The following LYPD1 variants were observed in gnomAD, a reference collection of about 807,000 sequenced individuals.
LYPD1 encodes the protein LY6/PLAUR domain containing 1.
In LYPD1, 14 loss-of-function variants were observed where a neutral mutation model predicts 14.2. The ratio of observed to expected loss-of-function variants is 0.99; its 90% CI spans 0.65 to 1.54. The LOEUF is 1.54. Among genes scored for constraint, LYPD1 ranks in the 40% most tolerant of loss-of-function variants. The pLI, the probability that LYPD1 is intolerant of heterozygous loss-of-function variation, is 0.00. For missense variants in LYPD1, 165 were observed against 175.7 expected, an observed-to-expected ratio of 0.94 and a Z score of 0.34; for synonymous variants, 85 against 70.6, an observed-to-expected ratio of 1.20 and a Z score of -1.02.
chr2:132,646,512 G>A lies in LYPD1; in HGVS notation c.191-232C>T, dbSNP rs563774324. 6 of 391,546 alleles carry A rather than the reference G, an allele frequency of 1.5e-5. No homozygotes were observed. The South Asian group carries it at 6.7e-4, about 43-fold the overall frequency. 24.3% of individuals were successfully genotyped at this position (391,546 alleles called of 1,614,324 possible). A position where few individuals can be genotyped will look rare whatever the true frequency, so the allele number is the denominator to read the frequency against. ...AACTGTTCCAAAAGCGATTTGAGAT[G>A]CCAATACCTGTGAATACCTGTTAAT... On this transcript the variant is annotated intron_variant, in intron 2 of 2. Transcript: ENST00000397463.
rs1682153783 is a variant in LYPD1 at position 132,647,384 on chromosome 2, T to C, written c.191-1104A>G. On this transcript the variant is annotated intron_variant, in intron 2 of 2. Transcript: ENST00000397463. ...AATTAACCACAAAAATAACCGGGGA[T>C]TTTTTAGGGGGAGAGGGTTTACTTT... Among the ~76,000 whole-genome samples, 3 of 150,358 alleles carry C rather than the reference T, an allele frequency of 2.0e-5. No individual in the cohort carries two copies. The South Asian group carries it at 6.2e-4, about 31-fold the overall frequency.
At position 132,646,013 on chromosome 2, in the gene LYPD1, C is replaced by G; in HGVS notation, c.*32G>C. 1.4e-6 allele frequency: 2 copies of G among 1,468,438 alleles called. No individual in the cohort carries two copies. Among genetic ancestry groups the G allele is most frequent in the Non-Finnish European group, 1.8e-6 (2 of 1,096,006 alleles). The allele number at this position is 1,468,438 out of a possible 1,614,324, so 91.0% of individuals were successfully genotyped here. On this transcript the variant is annotated 3_prime_UTR_variant, in exon 3 of 3. Transcript: ENST00000397463. The stretch of plus-strand genomic sequence containing the variant: ...GGGTTGGGGGCGAGGGCTGGAAGAA[C>G]AATGCAGGAGGGGGTGGCATCTCCT...
Position 132,668,501 on chromosome 2 carries a change from T to G in LYPD1, c.89A>C (p.Glu30Ala). 6.2e-7 allele frequency: 1 copy of G among 1,612,050 alleles called. No homozygotes were observed. Among genetic ancestry groups the G allele is most frequent in the South Asian group, 1.1e-5 (1 of 90,614 alleles). ...ALQIQCYQCE[E>A]FQLNNDCSSP... ...GGAGCAGTCGTTGTTCAGCTGGAATTCTTCACACTGGTAGCACTGGATTTG... is the reference window on the plus strand; with the variant it reads ...GGAGCAGTCGTTGTTCAGCTGGAATGCTTCACACTGGTAGCACTGGATTTG... The change falls in exon 2 of 3, where the codon GAA (glutamate) becomes GCA (alanine). Residue 30 changes from glutamate to alanine, a missense_variant. Glu to Ala is a moderately radical substitution (Grantham distance 107). Coordinates refer to ENST00000397463, the MANE Select transcript of LYPD1 (RefSeq NM_144586.7).
In LYPD1 at chr2:132,643,942, C is replaced by T. The variant is rs972552343; in HGVS notation, c.*2103G>A. Among the ~76,000 whole-genome samples, 2 of 152,118 alleles carry T rather than the reference C, an allele frequency of 1.3e-5. No homozygotes were observed. The highest frequency in any genetic ancestry group is 4.8e-5 in the African/African-American group (2 of 41,412). Reference sequence around the variant, plus strand: ...AAATGTGAGTAAATGTTTCTTACTACGATTGAAATGTAGGAGAGGAAGGAA... The same window carrying T: ...AAATGTGAGTAAATGTTTCTTACTATGATTGAAATGTAGGAGAGGAAGGAA... On this transcript the variant is annotated 3_prime_UTR_variant, in exon 3 of 3. Coordinates refer to ENST00000397463, the MANE Select transcript of LYPD1 (RefSeq NM_144586.7).
intron 2 of LYPD1, among the ~76,000 whole-genome samples, chr2:132,665,736 C>G (rs1573756967): frequency 6.6e-6 from 1 of 152,158 alleles, no homozygotes; most frequent in African/African-American, 2.4e-5. Context: ...CAACTCGGGT[C>G]ACCCCAGAAT....
chr2:132,662,145 A>G (rs531419252), intron 2 of LYPD1, among the ~76,000 whole-genome samples: 1 of 152,212 alleles, frequency 6.6e-6, no homozygotes, highest in Non-Finnish European at 1.5e-5. Flanking sequence ...TGAGAAATAT[A>G]GAAACAGTGT....
rs541427504 is a variant in LYPD1 at position 132,645,826 on chromosome 2, T to A, written c.*219A>T. 1.3e-5 allele frequency: 9 copies of A among 685,656 alleles called. No homozygotes were observed. In the East Asian group the frequency reaches 2.2e-4, roughly 17 times the overall value. The allele number at this position is 685,656 out of a possible 1,614,324, so 42.5% of individuals were successfully genotyped here. ...CATGGGGGTGAACTTTCACTCCACCTCCTTCCTTCAAGTACATACTGAAAA... is the reference window on the plus strand; with the variant it reads ...CATGGGGGTGAACTTTCACTCCACCACCTTCCTTCAAGTACATACTGAAAA... On this transcript the variant is annotated 3_prime_UTR_variant, in exon 3 of 3. Transcript: ENST00000397463.
At chr2:132,658,357 C>T (rs1363273639) in intron 2 of LYPD1, among the ~76,000 whole-genome samples, 2 of 152,146 alleles carry the variant, frequency 1.3e-5, no homozygotes, top group African/African-American at 4.8e-5. Flanking sequence ...GAAGCAAGGT[C>T]TAGGGTGGAG....
intron 2 of LYPD1, among the ~76,000 whole-genome samples, chr2:132,648,193 GA>G (rs1042888139): frequency 6.6e-6 from 1 of 152,176 alleles, no homozygotes; most frequent in Non-Finnish European, 1.5e-5. Flanking sequence ...TCCTAAGTAT[GA>G]AAAACATTAA....
Position 132,645,925 on chromosome 2 carries a change from C to T in LYPD1, c.*120G>A, listed in dbSNP as rs1470984349. On this transcript the variant is annotated 3_prime_UTR_variant, in exon 3 of 3. Transcript: ENST00000397463. ...ATTTGCACAGGAACAAAAGAGAACA[C>T]GGACTCCCGCTCCCTACCCAGAATA... is the stretch of plus-strand genomic sequence containing the variant. 19 of 734,818 alleles carry T rather than the reference C, an allele frequency of 2.6e-5. No individual in the cohort carries two copies. Among genetic ancestry groups the T allele is most frequent in the African/African-American group, 1.8e-4 (10 of 55,704 alleles). 45.5% of individuals were successfully genotyped at this position (734,818 alleles called of 1,614,324 possible). A position where few individuals can be genotyped will look rare whatever the true frequency, so the allele number is the denominator to read the frequency against.
chr2:132,653,401 C>T (rs1262549781), intron 2 of LYPD1, among the ~76,000 whole-genome samples: 1 of 152,174 alleles, frequency 6.6e-6, no homozygotes, highest in Non-Finnish European at 1.5e-5. Context: ...ATTATAACCC[C>T]ATCCAATCAG....
Position 132,645,360 on chromosome 2 carries a change from G to A in LYPD1, c.*685C>T, listed in dbSNP as rs777811895. ...CGCTGCAGCACGCCAACCACGAGAA[G>A]CGCCTGCGCGTACATGCGCACTCCA... On this transcript the variant is annotated 3_prime_UTR_variant, in exon 3 of 3. Transcript: ENST00000397463. The A allele has an allele frequency of 1.5e-5, 25 of 1,614,056 alleles. No individual in the cohort carries two copies. In the East Asian group the frequency reaches 5.1e-4, roughly 33 times the overall value.
rs923519334 is a variant in LYPD1 at position 132,644,117 on chromosome 2, A to G, written c.*1928T>C. Among the ~76,000 whole-genome samples the G allele has an allele frequency of 6.6e-6, 1 of 152,184 alleles. No individual in the cohort carries two copies. The highest frequency in any genetic ancestry group is 2.4e-5 in the African/African-American group (1 of 41,444). ...GTTCTTTTTTGCTTTTGTCACTGTA[A>G]CTAAACTCTCATGATACCTGTGATT... On this transcript the variant is annotated 3_prime_UTR_variant, in exon 3 of 3. Coordinates refer to ENST00000397463, the MANE Select transcript of LYPD1 (RefSeq NM_144586.7).
intron 2 of LYPD1, 42 bp downstream of exon 2, chr2:132,668,358 G>A: frequency 6.4e-7 from 1 of 1,572,612 alleles, no homozygotes. Context: ...CCACCCCACA[G>A]CCCAGGCTTA....
intron 2 of LYPD1, among the ~76,000 whole-genome samples, chr2:132,667,847 C>G (rs1683373097): frequency 2.0e-5 from 3 of 152,180 alleles, no homozygotes; most frequent in Admixed American, 1.3e-4. Flanking sequence ...TAGCCAGCAG[C>G]TAAGCTGGTA....
Position 132,669,080 on chromosome 2 carries a change from C to A in LYPD1, c.53-543G>T, listed in dbSNP as rs1683467661. 6.6e-6 allele frequency among the ~76,000 whole-genome samples: 1 copy of A among 152,214 alleles called. No individual in the cohort carries two copies. Among genetic ancestry groups the A allele is most frequent in the African/African-American group, 2.4e-5 (1 of 41,466 alleles). ...GAACAACTTGGGTGGAGGTGCCAGA[C>A]GCCAAGCGCTGCTGCGCCGCAAGTC... is the stretch of plus-strand genomic sequence containing the variant. On this transcript the variant is annotated intron_variant, in intron 1 of 2. Coordinates refer to ENST00000397463, the MANE Select transcript of LYPD1 (RefSeq NM_144586.7). The surrounding 1 kb of genome is among the most constrained non-coding windows in gnomAD (Gnocchi z 4.3).
At position 132,669,422 on chromosome 2, in the gene LYPD1, C is replaced by A. The variant is rs534928732; in HGVS notation, c.52+459G>T. Among the ~76,000 whole-genome samples the A allele has an allele frequency of 1.4e-4, 21 of 152,274 alleles. No individual in the cohort carries two copies. The East Asian group carries it at 3.7e-3, about 27-fold the overall frequency. On this transcript the variant is annotated intron_variant, in intron 1 of 2. Coordinates refer to ENST00000397463, the MANE Select transcript of LYPD1 (RefSeq NM_144586.7). The surrounding 1 kb of genome is among the most constrained non-coding windows in gnomAD (Gnocchi z 4.3). Reference sequence around the variant, plus strand: ...GACCCAACTACCCACGCTCCCGCAGCCCCACATCTATCGCACTCTGAGCGC... The same window carrying A: ...GACCCAACTACCCACGCTCCCGCAGACCCACATCTATCGCACTCTGAGCGC...
chr2:132,655,565 A>T lies in LYPD1; in HGVS notation c.191-9285T>A, dbSNP rs1306761536. Among the ~76,000 whole-genome samples the T allele has an allele frequency of 3.3e-5, 4 of 122,100 alleles. No homozygotes were observed. The East Asian group carries it at 1.1e-3, about 33-fold the overall frequency. 80.1% of individuals were successfully genotyped at this position (122,100 alleles called of 152,430 possible). A position where few individuals can be genotyped will look rare whatever the true frequency, so the allele number is the denominator to read the frequency against. ...AGTCTCGCTCTGTCGCCCAGGCTGG[A>T]GTGCAGTGGCGCCATCTGGGCTCAC... On this transcript the variant is annotated intron_variant, in intron 2 of 2. Transcript: ENST00000397463.
At chr2:132,647,982 G>C (rs1322436036) in intron 2 of LYPD1, among the ~76,000 whole-genome samples, 2 of 152,202 alleles carry the variant, frequency 1.3e-5, no homozygotes, top group African/African-American at 4.8e-5. Context: ...CTGCATGTTT[G>C]TAGGGATTGA....
Sources: gnomAD v4.1 joint callset for allele counts (sites outside exome capture counted in the v4.1 genomes callset) on GRCh38, gnomAD v4.1.1 for gene constraint, Gnocchi (gnomAD v3.1) non-coding constraint, MANE v1.5 for transcripts, NCBI Gene and HGNC (gene_info 2026-07-23, HGNC 2026-07-21) for gene names.